CFAP54: variants seen among roughly 807,000 people sequenced by gnomAD.
CFAP54 encodes the protein cilia and flagella associated protein 54.
A neutral mutation model predicts 370.4 loss-of-function variants in CFAP54; 290 were observed. The observed-to-expected ratio is 0.78, with a 90% confidence interval of 0.71 to 0.86. The LOEUF (loss-of-function observed/expected upper bound fraction) is 0.86, where lower values mean the gene tolerates loss of function less well. CFAP54 is among the 40% of genes least tolerant of loss of function. The pLI is 0.00. For missense variants in CFAP54, 3,399 were observed against 3,528.7 expected (o/e 0.96, Z 0.93); for synonymous variants, 1,206 against 1,236.5 (o/e 0.98, Z 0.52).
In CFAP54 at chr12:96,785,462, ACAGT is replaced by A. The variant is rs982473412; in HGVS notation, c.8455+576_8455+579del. Among the ~76,000 whole-genome samples the A allele has an allele frequency of 2.0e-5, 3 of 152,266 alleles. 1 individual carries two copies. ...GATCCAGTGTTGCCCATCAGTGCAA[ACAGT>A]CAGAAAAGACAATTTGACCCATGCC... On this transcript the variant is annotated intron_variant, in intron 61 of 67. Coordinates refer to ENST00000524981, the MANE Select transcript of CFAP54 (RefSeq NM_001306084.2).
intron 55 of CFAP54, among the ~76,000 whole-genome samples, chr12:96,752,214 T>C (rs1254638321): frequency 6.6e-6 from 1 of 152,010 alleles, no homozygotes; most frequent in Non-Finnish European, 1.5e-5. Context: ...TTTAAAAAAA[T>C]ATATCCTTTG....
In CFAP54 at chr12:96,691,104, T is replaced by C. The variant is rs762306355; in HGVS notation, c.6082-24T>C. On this transcript the variant is annotated intron_variant, in intron 43 of 67. Coordinates refer to ENST00000524981, the MANE Select transcript of CFAP54 (RefSeq NM_001306084.2). ...TGAAAATGCTATCTATAGCTCTTTATATTTCACTTTTTTTCATTTTCAGGG... is the reference window on the plus strand; with the variant it reads ...TGAAAATGCTATCTATAGCTCTTTACATTTCACTTTTTTTCATTTTCAGGG... 6 of 1,604,906 alleles carry C rather than the reference T, an allele frequency of 3.7e-6. No individual in the cohort carries two copies. The African/African-American group carries it at 8.0e-5, about 22-fold the overall frequency.
At chr12:96,666,916 C>T (rs1308265095) in intron 39 of CFAP54, among the ~76,000 whole-genome samples, 1 of 152,208 alleles carries the variant, frequency 6.6e-6, no homozygotes, top group Non-Finnish European at 1.5e-5. Context: ...AGCCTATGAG[C>T]CTGTAAAATC....
chr12:96,687,743 T>C (rs544415919), intron 42 of CFAP54, among the ~76,000 whole-genome samples: 2 of 152,210 alleles, frequency 1.3e-5, no homozygotes, highest in South Asian at 4.2e-4. Context: ...CACACACACA[T>C]ACAATTTTCT....
intron 39 of CFAP54, among the ~76,000 whole-genome samples, chr12:96,676,606 C>T (rs1374913359): frequency 6.6e-6 from 1 of 152,082 alleles, no homozygotes; most frequent in Non-Finnish European, 1.5e-5. Flanking sequence ...AGTGCAGCGG[C>T]ACAATCTCAG....
intron 57 of CFAP54, among the ~76,000 whole-genome samples, chr12:96,757,147 A>C (rs188559227): frequency 6.6e-6 from 1 of 152,242 alleles, no homozygotes; most frequent in Admixed American, 6.5e-5. Flanking sequence ...AGGGGCCTCC[A>C]TTTTCAAGGC....
Position 96,691,279 on chromosome 12 carries a change from GT to G in CFAP54, c.6234del (p.Glu2079AsnfsTer9), listed in dbSNP as rs1565943877. 28 of 1,600,462 alleles carry G rather than the reference GT, an allele frequency of 1.7e-5. No individual in the cohort carries two copies. The highest frequency in any genetic ancestry group is 2.4e-5 in the Non-Finnish European group (28 of 1,175,876). ...SVIASLYYII[R>X]ELHFVRQNLI... ...ATTGCAAGTCTGTATTACATTATACGTGAACTGCACTTTGTTAGGCAAAACC... is the reference window on the plus strand; with the variant it reads ...ATTGCAAGTCTGTATTACATTATACGGAACTGCACTTTGTTAGGCAAAACC... On this transcript the variant is annotated frameshift_variant, in exon 44 of 68. Transcript: ENST00000524981. LOFTEE classifies it high-confidence loss of function.
chr12:96,599,516 A>G (rs950752530), intron 26 of CFAP54, among the ~76,000 whole-genome samples: 2 of 152,198 alleles, frequency 1.3e-5, no homozygotes, highest in African/African-American at 2.4e-5. Context: ...TCCTTTGGAT[A>G]TATACCCAAT....
rs1182592608 is a variant in CFAP54 at position 96,764,181 on chromosome 12, G to T, written c.8071G>T (p.Glu2691Ter). Reference sequence around the variant, plus strand: ...TCTCAGAAGAAGTAGTTCTGTTAAAGAAACATCAGCAAATAAATTTGAAAT... The same window carrying T: ...TCTCAGAAGAAGTAGTTCTGTTAAATAAACATCAGCAAATAAATTTGAAAT... ...PPLRRSSSVK[E>*]TSANKFEMYS... The change falls in exon 59 of 68, where the codon GAA becomes TAA. Residue 2691 changes from glutamate to a stop codon, truncating the protein, a stop_gained. Transcript: ENST00000524981. LOFTEE classifies it high-confidence loss of function. The T allele has an allele frequency of 1.2e-6, 2 of 1,612,950 alleles. No homozygotes were observed. The highest frequency in any genetic ancestry group is 3.3e-5 in the Admixed American group (2 of 59,890).
chr12:96,554,042 T>G, intron 15 of CFAP54, 140 bp from the exon 16 acceptor site: 1 of 498,868 alleles, frequency 2.0e-6, no homozygotes, highest in Non-Finnish European at 3.5e-6. Flanking sequence ...ATACATGTAG[T>G]TAGAGACATA....
At chr12:96,820,092 T>C (rs1959015447) in intron 65 of CFAP54, among the ~76,000 whole-genome samples, 2 of 152,222 alleles carry the variant, frequency 1.3e-5, no homozygotes, top group Non-Finnish European at 1.5e-5. Context: ...TAGGAGCTTA[T>C]GGTCTCGTGA....
chr12:96,718,850 C>G (rs1383366450), intron 49 of CFAP54, among the ~76,000 whole-genome samples: 4 of 152,168 alleles, frequency 2.6e-5, no homozygotes, highest in Non-Finnish European at 5.9e-5. Flanking sequence ...ACCAGCCTGA[C>G]CAACATGGAG....
intron 60 of CFAP54, among the ~76,000 whole-genome samples, chr12:96,781,459 C>G (rs1393071468): frequency 6.6e-6 from 1 of 152,044 alleles, no homozygotes; most frequent in African/African-American, 2.4e-5. Flanking sequence ...CATATTGAAG[C>G]AAACAATTCC....
In CFAP54 at chr12:96,533,084, T is replaced by C. The variant is rs1364201870; in HGVS notation, c.1358-708T>C. ...AGAATGTCATGGACAACCTTATTGCTCAATCCAGGGGTCACTTTCAGTTAC... is the reference window on the plus strand; with the variant it reads ...AGAATGTCATGGACAACCTTATTGCCCAATCCAGGGGTCACTTTCAGTTAC... On this transcript the variant is annotated intron_variant, in intron 9 of 67. Transcript: ENST00000524981. Among the ~76,000 whole-genome samples, 6 of 152,134 alleles carry C rather than the reference T, an allele frequency of 3.9e-5. No individual in the cohort carries two copies. The East Asian group carries it at 1.2e-3, about 29-fold the overall frequency.
At chr12:96,639,589 A>G (rs565921821) in intron 32 of CFAP54, among the ~76,000 whole-genome samples, 2 of 152,384 alleles carry the variant, frequency 1.3e-5, no homozygotes, top group South Asian at 4.1e-4. Context: ...TGAGGCCAGC[A>G]TCATCCTGAT....
intron 60 of CFAP54, among the ~76,000 whole-genome samples, chr12:96,783,442 G>A (rs1468357472): frequency 6.6e-6 from 1 of 152,128 alleles, no homozygotes; most frequent in African/African-American, 2.4e-5. Context: ...TGTTATTTAT[G>A]TGCATGTATA....
chr12:96,678,035 G>C (rs1008722530), intron 39 of CFAP54, among the ~76,000 whole-genome samples: 3 of 152,110 alleles, frequency 2.0e-5, no homozygotes, highest in Non-Finnish European at 4.4e-5. Flanking sequence ...CCCAAGATTT[G>C]TTGTCCTTTG....
intron 40 of CFAP54, among the ~76,000 whole-genome samples, chr12:96,681,567 T>C (rs934108347): frequency 6.6e-6 from 1 of 151,978 alleles, no homozygotes; most frequent in African/African-American, 2.4e-5. Context: ...GACAGTCCTC[T>C]GTAGTGCTTT....
At chr12:96,603,072 C>T (rs1956261900) in intron 26 of CFAP54, among the ~76,000 whole-genome samples, 1 of 152,114 alleles carries the variant, frequency 6.6e-6, no homozygotes. Flanking sequence ...TACAATTTGG[C>T]ATGTTTTTGC....
Sources: gnomAD v4.1 joint callset for allele counts (sites outside exome capture counted in the v4.1 genomes callset) on GRCh38, gnomAD v4.1.1 for gene constraint, MANE v1.5 for transcripts, NCBI Gene and HGNC (gene_info 2026-07-23, HGNC 2026-07-21) for gene names.